The following MECOM variants were observed in gnomAD, a reference collection of about 807,000 sequenced individuals.
MECOM encodes the protein MDS1 and EVI1 complex locus.
A neutral mutation model predicts 116.3 loss-of-function variants in MECOM; 13 were observed. That is an observed-to-expected ratio of 0.11 (90% CI 0.07 to 0.18). The LOEUF (loss-of-function observed/expected upper bound fraction) is 0.18. MECOM is among the 10% of genes least tolerant of loss of function. The pLI is 1.00. For synonymous variants in MECOM, 528 were observed against 535.2 expected (o/e 0.99, Z 0.19); for missense variants, 1,299 against 1,509.0 (o/e 0.86, Z 2.31).
intron 1 of MECOM, among the ~76,000 whole-genome samples, chr3:169,614,090 T>TCTTTC (rs66472974): frequency 3.1e-5 from 4 of 128,596 alleles, no homozygotes; most frequent in Non-Finnish European, 6.4e-5. Flanking sequence ...TCCTCTCCTC[T>TCTTTC]CTTTTCTTTT....
Position 169,121,108 on chromosome 3 carries a change from C to T in MECOM, c.1080G>A (p.Ser360=), listed in dbSNP as rs185054275. ...CPECGKTFAT[S]SGLKQHKHIH... is the part of the protein sequence containing the mutation. ...TGTGCTTGTGTTGTTTGAGGCCCGACGAAGTGGCAAACGTTTTGCCACACT... is the reference window on the plus strand; with the variant it reads ...TGTGCTTGTGTTGTTTGAGGCCCGATGAAGTGGCAAACGTTTTGCCACACT... The change falls in exon 7 of 17, where the codon TCG becomes TCA. Residue 360 remains serine, a synonymous_variant. Coordinates refer to ENST00000651503, the MANE Select transcript of MECOM (RefSeq NM_004991.4). 86 of 1,613,486 alleles carry T rather than the reference C, an allele frequency of 5.3e-5. 1 individual carries two copies. The highest frequency in any genetic ancestry group is 4.5e-4 in the Admixed American group (27 of 59,942).
At chr3:169,584,425 CGTG>C (rs1237811232) in intron 1 of MECOM, among the ~76,000 whole-genome samples, 1 of 151,376 alleles carries the variant, frequency 6.6e-6, no homozygotes. Context: ...ATTAGCCGGG[CGTG>C]GTGGCGAGCG....
At chr3:169,586,729 TG>T (rs1429142505) in intron 1 of MECOM, among the ~76,000 whole-genome samples, 1 of 152,222 alleles carries the variant, frequency 6.6e-6, no homozygotes, top group Non-Finnish European at 1.5e-5. Flanking sequence ...TCTGTTTGTT[TG>T]TTTTAATAGA....
intron 1 of MECOM, among the ~76,000 whole-genome samples, chr3:169,472,062 C>T (rs117888153): frequency 2.6e-5 from 4 of 152,054 alleles, no homozygotes; most frequent in African/African-American, 9.7e-5. Flanking sequence ...AAGAGTGTTT[C>T]TCTCAAAGAA....
intron 1 of MECOM, among the ~76,000 whole-genome samples, chr3:169,572,248 C>T (rs10936585): frequency 0.073 from 11,173 of 152,194 alleles, 866 homozygotes; most frequent in African/African-American, 0.2. Flanking sequence ...AAAAGCTTAT[C>T]ATCACTGGTC....
Position 169,663,381 on chromosome 3 carries a change from C to T in MECOM, c.-9G>A. 6.2e-7 allele frequency: 1 copy of T among 1,609,718 alleles called. No homozygotes were observed. The highest frequency in any genetic ancestry group is 8.5e-7 in the Non-Finnish European group (1 of 1,178,178). On this transcript the variant is annotated 5_prime_UTR_variant, in exon 1 of 17. Coordinates refer to ENST00000651503, the MANE Select transcript of MECOM (RefSeq NM_004991.4). ...CTGCCTTTGGATCTCATGCTGTGCC[C>T]AGTCCTGCAGCCGCTGGTGTGTGGT...
At chr3:169,448,944 T>C (rs1745102845) in intron 1 of MECOM, among the ~76,000 whole-genome samples, 1 of 152,180 alleles carries the variant, frequency 6.6e-6, no homozygotes, top group Non-Finnish European at 1.5e-5. Flanking sequence ...CATACCATGA[T>C]AAATTTTTGA....
chr3:169,555,928 A>G (rs1362777), intron 1 of MECOM, among the ~76,000 whole-genome samples: 33,564 of 152,148 alleles, frequency 0.22, 4,715 homozygotes, highest in East Asian at 0.7. Flanking sequence ...AAAACAAAAT[A>G]AAATGGGGGA....
rs376165793 is a variant in MECOM, at chr3:169,132,047, G to C, written c.511-516C>G. On this transcript the variant is annotated intron_variant, in intron 3 of 16. Coordinates refer to ENST00000651503, the MANE Select transcript of MECOM (RefSeq NM_004991.4). ...CATAAAGGATCATGACAACAAAGGA[G>C]AGTATTTTGTTTTTCAAAACTTAAC... 54 of 895,668 alleles carry C rather than the reference G, an allele frequency of 6.0e-5. No individual in the cohort carries two copies. In the East Asian group the frequency reaches 4.9e-3, roughly 81 times the overall value. 55.5% of individuals were successfully genotyped at this position (895,668 alleles called of 1,614,324 possible). A position where few individuals can be genotyped will look rare whatever the true frequency, so the allele number is the denominator to read the frequency against.
chr3:169,588,956 A>T (rs967038971), intron 1 of MECOM, among the ~76,000 whole-genome samples: 5 of 152,186 alleles, frequency 3.3e-5, no homozygotes, highest in Admixed American at 3.3e-4. Flanking sequence ...AATGAAATAC[A>T]TAGGGTTTTT....
intron 2 of MECOM, among the ~76,000 whole-genome samples, chr3:169,353,755 T>A (rs1042270392): frequency 6.6e-6 from 1 of 151,854 alleles, no homozygotes; most frequent in Admixed American, 6.6e-5. Context: ...CACAAGCCAA[T>A]TACTGTCTTT....
chr3:169,170,403 C>CAAAAAAAAAAAAAAAAAAAAAAAA (rs71634426), intron 2 of MECOM, among the ~76,000 whole-genome samples: 1 of 74,366 alleles, frequency 1.3e-5, no homozygotes, highest in African/African-American at 5.0e-5. Context: ...AAGACTCTGT[C>CAAAAAAAAAAAAAAAAAAAAAAAA]AAAAAAAAAA....
chr3:169,207,627 A>C (rs1750119624), intron 2 of MECOM, among the ~76,000 whole-genome samples: 1 of 151,890 alleles, frequency 6.6e-6, no homozygotes. Flanking sequence ...TGGATTACTT[A>C]TGGAGACGAA....
At chr3:169,087,553 C>T (rs1010864811) in intron 16 of MECOM, among the ~76,000 whole-genome samples, 50 of 152,132 alleles carry the variant, frequency 3.3e-4, no homozygotes, top group African/African-American at 1.2e-3. Context: ...GCCGTGATTG[C>T]ACCACTGCAC....
intron 2 of MECOM, among the ~76,000 whole-genome samples, chr3:169,319,842 G>A (rs146665786): frequency 6.6e-6 from 1 of 152,358 alleles, no homozygotes; most frequent in African/African-American, 2.4e-5. Context: ...ACACATGGGT[G>A]ATAGAACCTC....
intron 2 of MECOM, among the ~76,000 whole-genome samples, chr3:169,204,203 C>T (rs1039259082): frequency 6.6e-6 from 1 of 152,158 alleles, no homozygotes; most frequent in Non-Finnish European, 1.5e-5. Context: ...AGACAAATTG[C>T]TGCCATTACC....
intron 2 of MECOM, among the ~76,000 whole-genome samples, chr3:169,224,898 C>T (rs1752551551): frequency 6.6e-6 from 1 of 152,128 alleles, no homozygotes; most frequent in African/African-American, 2.4e-5. Context: ...CCCCTGAAAG[C>T]CACAAGATTA....
In MECOM at chr3:169,220,895, A is replaced by G. The variant is rs369223312; in HGVS notation, c.376-77063T>C. Among the ~76,000 whole-genome samples the G allele has an allele frequency of 1.1e-4, 16 of 152,330 alleles. 1 individual carries two copies. The highest frequency in any genetic ancestry group is 3.4e-4 in the African/African-American group (14 of 41,570). On this transcript the variant is annotated intron_variant, in intron 2 of 16. Transcript: ENST00000651503. ...TAGTGTATTTCCTGAGGCTCGAACA[A>G]TATCCGGCGCATAGTTGGGGCTTAA...
chr3:169,204,552 A>T (rs972369691), intron 2 of MECOM, among the ~76,000 whole-genome samples: 2 of 152,168 alleles, frequency 1.3e-5, no homozygotes, highest in Non-Finnish European at 2.9e-5. Flanking sequence ...GTGTCTCTTA[A>T]TCTATAGTAG....
Sources: gnomAD v4.1 joint callset for allele counts (sites outside exome capture counted in the v4.1 genomes callset) on GRCh38, gnomAD v4.1.1 for gene constraint, MANE v1.5 for transcripts, NCBI Gene and HGNC (gene_info 2026-07-23, HGNC 2026-07-21) for gene names.